Variants in ITGA2 observed in about 807,000 individuals in gnomAD.
The protein encoded by ITGA2 is integrin subunit alpha 2.
ITGA2 carries 101 observed loss-of-function variants against 146.3 expected under a neutral mutation model. The observed-to-expected ratio is 0.69, with a 90% CI of 0.59 to 0.81. The LOEUF is 0.81. ITGA2 is among the 40% of genes least tolerant of loss of function. The pLI is 0.00. For synonymous variants in ITGA2, 477 were observed against 487.1 expected (o/e 0.98, Z 0.27); for missense variants, 1,281 against 1,402.7 (o/e 0.91, Z 1.39).
intron 1 of ITGA2, among the ~76,000 whole-genome samples, chr5:52,995,470 C>T (rs1249333402): frequency 6.6e-6 from 1 of 151,498 alleles, no homozygotes; most frequent in Non-Finnish European, 1.5e-5. Flanking sequence ...GAAGAGTGAA[C>T]AGGATTTGAT....
chr5:53,045,198 C>CT, intron 4 of ITGA2, 106 bp downstream of exon 4: 1 of 881,760 alleles, frequency 1.1e-6, no homozygotes, highest in Non-Finnish European at 1.9e-6. Context: ...TTAGAACTTG[C>CT]TTTTTGATAA....
At chr5:53,036,005 A>G (rs1302243597) in intron 2 of ITGA2, among the ~76,000 whole-genome samples, 2 of 152,090 alleles carry the variant, frequency 1.3e-5, no homozygotes, top group East Asian at 3.9e-4. Flanking sequence ...AGTTTCTTTT[A>G]GCTTCTCAGC....
intron 1 of ITGA2, among the ~76,000 whole-genome samples, chr5:53,013,845 A>G (rs1592795): frequency 0.22 from 33,756 of 151,766 alleles, 3,905 homozygotes; most frequent in Middle Eastern, 0.24. Context: ...ACTCCTAGGT[A>G]TTTTATTCTT....
intron 15 of ITGA2, 21 bp from the exon 16 acceptor site, chr5:53,067,097 G>C: frequency 6.2e-7 from 1 of 1,607,310 alleles, no homozygotes; most frequent in South Asian, 1.1e-5. Context: ...CCATCCATCT[G>C]TTACTCTTTA....
intron 28 of ITGA2, among the ~76,000 whole-genome samples, 178 bp from the exon 29 acceptor site, chr5:53,089,768 T>C (rs753479613): frequency 7.2e-5 from 11 of 152,240 alleles, no homozygotes; most frequent in Non-Finnish European, 1.5e-4. Flanking sequence ...GGTTGGACTT[T>C]GCAGGAAGAT....
chr5:53,020,671 TTTATTA>T (rs971189275), intron 1 of ITGA2, among the ~76,000 whole-genome samples: 1 of 150,876 alleles, frequency 6.6e-6, no homozygotes, highest in Non-Finnish European at 1.5e-5. Context: ...TTTATTTTAT[TTTATTA>T]TTATTATTAT....
chr5:53,042,169 T>A lies in ITGA2; in HGVS notation c.243T>A (p.Tyr81Ter), dbSNP rs760999389. 3 of 1,613,530 alleles carry A rather than the reference T, an allele frequency of 1.9e-6. No individual in the cohort carries two copies. The South Asian group carries it at 3.3e-5, about 18-fold the overall frequency. Residue 81 changes from tyrosine (Y) to a stop codon, truncating the protein, a stop_gained, in exon 3 of 30, where the codon TAT (tyrosine) becomes TAA (stop). Transcript: ENST00000296585. LOFTEE classifies it high-confidence loss of function. ...GFPENRMGDV[Y>*]KCPVDLSTAT... is the part of the protein sequence containing the mutation. The stretch of plus-strand genomic sequence containing the variant: ...CTGAGAACCGAATGGGAGATGTGTA[T>A]AAATGTCCTGTTGACCTATCCACTG...
chr5:53,042,744 G>T (rs1032114679), intron 3 of ITGA2, among the ~76,000 whole-genome samples: 1 of 152,058 alleles, frequency 6.6e-6, no homozygotes, highest in Non-Finnish European at 1.5e-5. Context: ...ATTTACTAAA[G>T]GTTCAAGGGT....
At chr5:53,019,550 G>A (rs1742564766) in intron 1 of ITGA2, among the ~76,000 whole-genome samples, 1 of 152,140 alleles carries the variant, frequency 6.6e-6, no homozygotes, top group African/African-American at 2.4e-5. Flanking sequence ...TTTAGAGATG[G>A]AATCTTGCTC....
intron 16 of ITGA2, among the ~76,000 whole-genome samples, chr5:53,068,876 A>G (rs983483253): frequency 2.6e-5 from 4 of 151,776 alleles, no homozygotes; most frequent in Admixed American, 2.0e-4. Flanking sequence ...TGCTTGAAAA[A>G]AAAAGGAAAA....
At position 53,091,542 on chromosome 5, in the gene ITGA2, C is replaced by T. The variant is rs1740421047; in HGVS notation, c.*943C>T. On this transcript the variant is annotated 3_prime_UTR_variant, in exon 30 of 30. Coordinates refer to ENST00000296585, the MANE Select transcript of ITGA2 (RefSeq NM_002203.4). ...CAACCTTCCTCCTCCCTTACTGAAC[C>T]ACTCTCCCACCTCCTGGTGGTACCA... 6.6e-6 allele frequency: 1 copy of T among 152,086 alleles called. No individual in the cohort carries two copies. The highest frequency in any genetic ancestry group is 6.6e-5 in the Admixed American group (1 of 15,260). The allele number at this position is 152,086 out of a possible 1,614,324, so 9.4% of individuals were successfully genotyped here. A position where few individuals can be genotyped will look rare whatever the true frequency, so the allele number is the denominator to read the frequency against.
chr5:52,999,588 C>T (rs1483154236), intron 1 of ITGA2, among the ~76,000 whole-genome samples: 1 of 151,690 alleles, frequency 6.6e-6, no homozygotes, highest in Non-Finnish European at 1.5e-5. Context: ...ACACAGAGGG[C>T]CCAGATAGAT....
intron 1 of ITGA2, among the ~76,000 whole-genome samples, chr5:53,000,897 G>GTTTTTTTTTTTT (rs369482288): frequency 1.3e-3 from 123 of 97,208 alleles, no homozygotes; most frequent in Non-Finnish European, 1.5e-3. Context: ...TTTTCTTTTT[G>GTTTTTTTTTTTT]TTTTTTTTTT....
intron 1 of ITGA2, among the ~76,000 whole-genome samples, chr5:53,006,748 GTGC>G (rs1421322870): frequency 6.6e-6 from 1 of 152,116 alleles, no homozygotes; most frequent in Non-Finnish European, 1.5e-5. Context: ...GGCCCTCCCT[GTGC>G]ACTTCCCTTC....
intron 1 of ITGA2, among the ~76,000 whole-genome samples, chr5:53,016,795 T>C (rs1312361672): frequency 1.3e-5 from 2 of 152,180 alleles, no homozygotes; most frequent in African/African-American, 4.8e-5. Flanking sequence ...TTTTTATTCT[T>C]TTTTCTTTAT....
At chr5:53,017,798 G>A (rs1742468013) in intron 1 of ITGA2, among the ~76,000 whole-genome samples, 1 of 152,168 alleles carries the variant, frequency 6.6e-6, no homozygotes, top group South Asian at 2.1e-4. Flanking sequence ...GGCAGGGGAG[G>A]AGAGACAAGG....
chr5:53,036,126 C>CT (rs1344952549), intron 2 of ITGA2, among the ~76,000 whole-genome samples: 1 of 152,118 alleles, frequency 6.6e-6, no homozygotes, highest in Admixed American at 6.6e-5. Flanking sequence ...CCATCACACT[C>CT]TATCTAAAAC....
chr5:53,036,497 C>T (rs1375488719), intron 2 of ITGA2, among the ~76,000 whole-genome samples: 1 of 152,192 alleles, frequency 6.6e-6, no homozygotes, highest in Non-Finnish European at 1.5e-5. Context: ...GCTGTTCCCG[C>T]AGCCTAGACT....
chr5:53,044,861 C>G, intron 3 of ITGA2, 140 bp from the exon 4 acceptor site: 1 of 686,124 alleles, frequency 1.5e-6, no homozygotes, highest in East Asian at 2.7e-5. Context: ...CCCCACACTT[C>G]ATTATATAAC....
Sources: gnomAD v4.1 joint callset for allele counts (sites outside exome capture counted in the v4.1 genomes callset) on GRCh38, gnomAD v4.1.1 for gene constraint, MANE v1.5 for transcripts, NCBI Gene and HGNC (gene_info 2026-07-23, HGNC 2026-07-21) for gene names.